MYO18A: variants seen among roughly 807,000 people sequenced by gnomAD.
MYO18A encodes unconventional myosin-XVIIIa.
In MYO18A, 78 loss-of-function variants were observed where a neutral mutation model predicts 235.8. The observed-to-expected ratio is 0.33, with a 90% CI of 0.28 to 0.40. The LOEUF (loss-of-function observed/expected upper bound fraction) is 0.40. Ranked by LOEUF, MYO18A falls within the 10% of genes least tolerant of loss-of-function variation. MYO18A has a pLI of 1.00. For missense variants in MYO18A, 2,215 were observed against 2,699.3 expected (o/e 0.82, Z 3.98); for synonymous variants, 977 against 1,077.8 (o/e 0.91, Z 1.83).
At chr17:29,079,745 G>A in intron 41 of MYO18A, 1 of 986,042 alleles carries the variant, frequency 1.0e-6, no homozygotes, top group Non-Finnish European at 1.2e-6. Flanking sequence ...TCGCTCTCGG[G>A]CCGGTACAGG....
intron 2 of MYO18A, among the ~76,000 whole-genome samples, chr17:29,136,603 T>C (rs1288845915): frequency 1.3e-5 from 2 of 152,246 alleles, no homozygotes; most frequent in African/African-American, 4.8e-5. Context: ...GGATTGGTGA[T>C]ATGGGAATTA....
intron 19 of MYO18A, 30 bp from the exon 20 acceptor site, chr17:29,107,219 TCAACG>T (rs2152811998): frequency 6.2e-7 from 1 of 1,605,320 alleles, no homozygotes; most frequent in East Asian, 2.2e-5. Flanking sequence ...GCCAGGCCTG[TCAACG>T]CCACCTGCTC....
chr17:29,126,864 A>C lies in MYO18A; in HGVS notation c.1000-4611T>G, dbSNP rs1357642351. Among the ~76,000 whole-genome samples, 1 of 152,198 alleles carries C rather than the reference A, an allele frequency of 6.6e-6. No individual in the cohort carries two copies. The highest frequency in any genetic ancestry group is 1.5e-5 in the Non-Finnish European group (1 of 68,026). ...TGCTTCTCAGCCTCCTGCCCCACCC[A>C]GAGAACACTTTCTGGGAAGATAGGG... On this transcript the variant is annotated intron_variant, in intron 2 of 41. Transcript: ENST00000527372. This position sits in a 1 kb window ranked among gnomAD's most constrained non-coding sequence, Gnocchi z 4.1.
intron 2 of MYO18A, among the ~76,000 whole-genome samples, chr17:29,130,092 T>C (rs1290550572): frequency 6.6e-6 from 1 of 151,672 alleles, no homozygotes; most frequent in African/African-American, 2.4e-5. Context: ...AACTCAGGAG[T>C]TCAACACCAG....
At chr17:29,175,078 A>G (rs1242038264) in intron 1 of MYO18A, among the ~76,000 whole-genome samples, 1 of 152,162 alleles carries the variant, frequency 6.6e-6, no homozygotes, top group Non-Finnish European at 1.5e-5. Flanking sequence ...GAATTTTAGA[A>G]GGGTCAAATA....
At chr17:29,146,671 A>G (rs530506755) in intron 2 of MYO18A, among the ~76,000 whole-genome samples, 36 of 152,322 alleles carry the variant, frequency 2.4e-4, no homozygotes, top group Non-Finnish European at 4.1e-4. Flanking sequence ...CACAACTAGA[A>G]CCTGGGGCTG....
In MYO18A at chr17:29,111,370, A is replaced by G. The variant is rs1213287141; in HGVS notation, c.2900+54T>C. The G allele has an allele frequency of 3.2e-6, 5 of 1,579,280 alleles. No individual in the cohort carries two copies. In the African/African-American group the frequency reaches 5.4e-5, roughly 17 times the overall value. ...GACAACCCCAGGGGGAGGGAGCCCC[A>G]AAATCAAAACAGTCCTGGGTACAGA... is the stretch of plus-strand genomic sequence containing the variant. On this transcript the variant is annotated intron_variant, in intron 17 of 41. Coordinates refer to ENST00000527372, the MANE Select transcript of MYO18A (RefSeq NM_078471.4). This position sits in a 1 kb window ranked among gnomAD's most constrained non-coding sequence, Gnocchi z 5.1.
chr17:29,116,318 G>A (rs2067058784), intron 11 of MYO18A, 126 bp downstream of exon 11: 1 of 1,057,562 alleles, frequency 9.5e-7, no homozygotes, highest in South Asian at 1.3e-5. Context: ...ACCCACTGAT[G>A]GCCCAACAGT....
Position 29,118,370 on chromosome 17 carries a change from C to T in MYO18A, c.1893+7G>A, listed in dbSNP as rs1598334532. 1.2e-6 allele frequency: 2 copies of T among 1,602,482 alleles called. No individual in the cohort carries two copies. The highest frequency in any genetic ancestry group is 2.2e-5 in the East Asian group (1 of 44,520). On this transcript the variant is annotated splice_region_variant and intron_variant, in intron 9 of 41. Coordinates refer to ENST00000527372, the MANE Select transcript of MYO18A (RefSeq NM_078471.4). This position sits in a 1 kb window ranked among gnomAD's most constrained non-coding sequence, Gnocchi z 4.2. Reference sequence around the variant, plus strand: ...GGCTGGCAACCCAGACCCCACAGACCCCTCACCTTGGCCAGTGGCACAATC... The same window carrying T: ...GGCTGGCAACCCAGACCCCACAGACTCCTCACCTTGGCCAGTGGCACAATC...
chr17:29,104,232 G>GCTA (rs1186914954), intron 20 of MYO18A, among the ~76,000 whole-genome samples: 4 of 152,158 alleles, frequency 2.6e-5, no homozygotes, highest in Non-Finnish European at 4.4e-5. Context: ...CTGGCAAATG[G>GCTA]GTAGATGGAT....
At position 29,120,962 on chromosome 17, in the gene MYO18A, C is replaced by T. The variant is rs138125516; in HGVS notation, c.1585+36G>A. 259 of 1,590,064 alleles carry T rather than the reference C, an allele frequency of 1.6e-4. No homozygotes were observed. Among genetic ancestry groups the T allele is most frequent in the Non-Finnish European group, 2.1e-4 (248 of 1,168,456 alleles). On this transcript the variant is annotated intron_variant, in intron 6 of 41. Transcript: ENST00000527372. This position sits in a 1 kb window ranked among gnomAD's most constrained non-coding sequence, Gnocchi z 4.2. ...CTCTCTCCTCACTCCCCTCCCCTCACCCCACTTTCAGTTTTCTCCCTTGTC... is the reference window on the plus strand; with the variant it reads ...CTCTCTCCTCACTCCCCTCCCCTCATCCCACTTTCAGTTTTCTCCCTTGTC...
intron 1 of MYO18A, among the ~76,000 whole-genome samples, chr17:29,173,907 G>A (rs1391667482): frequency 6.6e-6 from 1 of 152,110 alleles, no homozygotes; most frequent in Non-Finnish European, 1.5e-5. Context: ...GAGTAGCTGT[G>A]ACTACAGGTG....
In MYO18A at chr17:29,073,148, A is replaced by C. The variant is rs2065905676; in HGVS notation, c.*1622T>G. 1 of 152,144 alleles carries C rather than the reference A, an allele frequency of 6.6e-6. No homozygotes were observed. The highest frequency in any genetic ancestry group is 6.5e-5 in the Admixed American group (1 of 15,284). The allele number at this position is 152,144 out of a possible 1,614,324, so 9.4% of individuals were successfully genotyped here. ...GACGGAAGGAGGAAGAGAAGAGAAG[A>C]GAAGAGAATCTCTGTAATTGGTGAG... On this transcript the variant is annotated 3_prime_UTR_variant, in exon 42 of 42. Transcript: ENST00000527372.
chr17:29,094,309 A>G (rs1159303842), intron 30 of MYO18A: 4 of 598,574 alleles, frequency 6.7e-6, no homozygotes. Context: ...GGGTGGGGAC[A>G]GTCCTGCAGC....
In MYO18A at chr17:29,118,544, T is replaced by C; in HGVS notation, c.1830-104A>G. 1 of 1,038,980 alleles carries C rather than the reference T, an allele frequency of 9.6e-7. No individual in the cohort carries two copies. Among genetic ancestry groups the C allele is most frequent in the Non-Finnish European group, 1.4e-6 (1 of 698,422 alleles). The allele number at this position is 1,038,980 out of a possible 1,614,324, so 64.4% of individuals were successfully genotyped here. A position where few individuals can be genotyped will look rare whatever the true frequency, so the allele number is the denominator to read the frequency against. On this transcript the variant is annotated intron_variant, in intron 8 of 41. Transcript: ENST00000527372. This position sits in a 1 kb window ranked among gnomAD's most constrained non-coding sequence, Gnocchi z 4.2. ...GACTCAGCTTCCAGACTCCAAGTTT[T>C]GTCTGCCCATCATCCCATCATCCCC... is the stretch of plus-strand genomic sequence containing the variant.
intron 2 of MYO18A, among the ~76,000 whole-genome samples, chr17:29,153,618 C>A (rs776088041): frequency 6.6e-6 from 1 of 152,182 alleles, no homozygotes; most frequent in Non-Finnish European, 1.5e-5. Flanking sequence ...ACAACACCTT[C>A]GCAACCACAC....
chr17:29,091,934 T>C (rs1343994954), intron 34 of MYO18A: 1 of 329,534 alleles, frequency 3.0e-6, no homozygotes. Flanking sequence ...AGCTGCCGCT[T>C]GGGCTTGTCA....
chr17:29,110,297 C>T (rs1253456715), intron 18 of MYO18A, 139 bp downstream of exon 18: 1 of 1,271,482 alleles, frequency 7.9e-7, no homozygotes. Flanking sequence ...AAAGAAGACC[C>T]CCACCTGCAG....
At position 29,108,318 on chromosome 17, in the gene MYO18A, C is replaced by T. The variant is rs536956218; in HGVS notation, c.3332-1129G>A. The stretch of plus-strand genomic sequence containing the variant: ...GGCTTCAGGTCAGGGGAGGTGTGAC[C>T]TGACTTTTGGCTTGGAGCAAAGTGG... On this transcript the variant is annotated intron_variant, in intron 19 of 41. Transcript: ENST00000527372. Among the ~76,000 whole-genome samples the T allele has an allele frequency of 9.9e-5, 15 of 152,200 alleles. No individual in the cohort carries two copies. In the South Asian group the frequency reaches 2.9e-3, roughly 29 times the overall value.
Sources: gnomAD v4.1 joint callset for allele counts (sites outside exome capture counted in the v4.1 genomes callset) on GRCh38, gnomAD v4.1.1 for gene constraint, Gnocchi (gnomAD v3.1) non-coding constraint, MANE v1.5 for transcripts, NCBI Gene and HGNC (gene_info 2026-07-23, HGNC 2026-07-21) for gene names.